The following PHLPP1 variants were observed in gnomAD, a reference collection of about 807,000 sequenced individuals.
PHLPP1 encodes the protein PH domain and leucine rich repeat protein phosphatase 1, also known as PH domain leucine-rich repeat-containing protein phosphatase 1.
A neutral mutation model predicts 117.2 loss-of-function variants in PHLPP1; 42 were observed. The ratio of observed to expected loss-of-function variants is 0.36; its 90% CI spans 0.28 to 0.46. The LOEUF (loss-of-function observed/expected upper bound fraction) is 0.46, where lower values mean the gene tolerates loss of function less well. PHLPP1 is among the 20% of genes least tolerant of loss of function. The probability of loss-of-function intolerance (pLI) is 1.00; values close to 1 mark genes in which losing one functional copy is unlikely to be tolerated. For synonymous variants in PHLPP1, 1,042 were observed against 970.7 expected, an observed-to-expected ratio of 1.07 and a Z score of -1.37; for missense variants, 2,084 against 2,241.9, an observed-to-expected ratio of 0.93 and a Z score of 1.42.
rs1487349359 is a variant in PHLPP1 at position 62,979,359 on chromosome 18, T to G, written c.5082T>G (p.Pro1694=). ...QQQQQQPPPP[P]QLQPQLPRHY... is the part of the protein sequence containing the mutation. ...AGCAGCAGCAGCCGCCACCACCCCC[T>G]CAGCTCCAGCCGCAGCTGCCGCGGC... The change falls in exon 17 of 17, where the codon CCT becomes CCG. Residue 1694 remains proline (P), a synonymous_variant. Coordinates refer to ENST00000262719, the MANE Select transcript of PHLPP1 (RefSeq NM_194449.4). 1.3e-6 allele frequency: 2 copies of G among 1,548,388 alleles called. No homozygotes were observed. The highest frequency in any genetic ancestry group is 2.0e-5 in the Admixed American group (1 of 51,028).
chr18:62,744,022 C>T (rs771821225), intron 1 of PHLPP1, among the ~76,000 whole-genome samples: 11 of 152,134 alleles, frequency 7.2e-5, no homozygotes, highest in Non-Finnish European at 1.3e-4. Flanking sequence ...AAACTGGTGC[C>T]GTGGGACACA....
chr18:62,731,873 A>C (rs886399681), intron 1 of PHLPP1, among the ~76,000 whole-genome samples: 1 of 152,200 alleles, frequency 6.6e-6, no homozygotes, highest in Non-Finnish European at 1.5e-5. Flanking sequence ...ACTTAATCCA[A>C]ACCCTAATCC....
chr18:62,852,699 C>T (rs991686476), intron 3 of PHLPP1, among the ~76,000 whole-genome samples: 2 of 152,208 alleles, frequency 1.3e-5, no homozygotes, highest in African/African-American at 4.8e-5. Flanking sequence ...ATTTCAGCTG[C>T]TTTGACCAAG....
In PHLPP1 at chr18:62,900,433, C is replaced by CTTTTTTTTTTTT. The variant is rs774225759; in HGVS notation, c.2445-2514_2445-2503dup. Among the ~76,000 whole-genome samples, 8 of 54,258 alleles carry CTTTTTTTTTTTT rather than the reference C, an allele frequency of 1.5e-4. 2 individuals carry two copies. The highest frequency in any genetic ancestry group is 1.6e-4 in the African/African-American group (2 of 12,284). The allele number at this position is 54,258 out of a possible 152,430, so 35.6% of individuals were successfully genotyped here. On this transcript the variant is annotated intron_variant, in intron 6 of 16. Coordinates refer to ENST00000262719, the MANE Select transcript of PHLPP1 (RefSeq NM_194449.4). ...GTATTCTTGTTTTTTCTTTTTCTTT[C>CTTTTTTTTTTTT]TTTTTTTTTTTTTTTTTTTTTTTTT...
At position 62,978,037 on chromosome 18, in the gene PHLPP1, T is replaced by G. The variant is rs115872091; in HGVS notation, c.3985-225T>G. Among the ~76,000 whole-genome samples, 747 of 152,268 alleles carry G rather than the reference T, an allele frequency of 4.9e-3. 4 individuals are homozygous for G. The highest frequency in any genetic ancestry group is 0.017 in the African/African-American group (713 of 41,548). On this transcript the variant is annotated intron_variant, in intron 16 of 16. Transcript: ENST00000262719. This position sits in a 1 kb window ranked among gnomAD's most constrained non-coding sequence, Gnocchi z 7.0. ...ACACACATAACCGAAATCTTTTCCTTTTGTCCCTACTGCTCCTTACCTGCC... is the reference window on the plus strand; with the variant it reads ...ACACACATAACCGAAATCTTTTCCTGTTGTCCCTACTGCTCCTTACCTGCC...
intron 1 of PHLPP1, chr18:62,779,330 C>G (rs1039393366): frequency 6.6e-6 from 1 of 152,042 alleles, no homozygotes; most frequent in Admixed American, 6.6e-5. Context: ...CCATTCCTCT[C>G]TAGTCACCTA....
At chr18:62,967,470 T>C (rs189650782) in intron 14 of PHLPP1, among the ~76,000 whole-genome samples, 3 of 152,154 alleles carry the variant, frequency 2.0e-5, no homozygotes, top group Non-Finnish European at 4.4e-5. Flanking sequence ...TGGTTTTAAT[T>C]TGCATTTCCC....
At chr18:62,848,104 C>T (rs1485344270) in intron 3 of PHLPP1, among the ~76,000 whole-genome samples, 1 of 152,132 alleles carries the variant, frequency 6.6e-6, no homozygotes, top group Non-Finnish European at 1.5e-5. Context: ...TTTGGGTGCT[C>T]TGATTTGTTG....
chr18:62,918,643 A>C (rs1345535354), intron 9 of PHLPP1, among the ~76,000 whole-genome samples: 1 of 152,098 alleles, frequency 6.6e-6, no homozygotes, highest in Non-Finnish European at 1.5e-5. Flanking sequence ...CTTTGTGAGC[A>C]AAGAAACTCC....
intron 1 of PHLPP1, among the ~76,000 whole-genome samples, chr18:62,723,477 T>G (rs1042354891): frequency 2.0e-5 from 3 of 152,228 alleles, no homozygotes; most frequent in Non-Finnish European, 4.4e-5. Flanking sequence ...AGGGTTTTTC[T>G]CACATTCTGT....
chr18:62,728,083 T>A (rs1225221589), intron 1 of PHLPP1, among the ~76,000 whole-genome samples: 2 of 152,032 alleles, frequency 1.3e-5, no homozygotes, highest in African/African-American at 4.8e-5. Context: ...TCACCTGATG[T>A]CAGGAGCTTG....
At chr18:62,874,494 G>T (rs773182861) in intron 4 of PHLPP1, among the ~76,000 whole-genome samples, 2 of 152,134 alleles carry the variant, frequency 1.3e-5, no homozygotes, top group Non-Finnish European at 2.9e-5. Context: ...GGGTGACAGA[G>T]CAAGACTCCA....
chr18:62,745,596 A>G (rs1294016987), intron 1 of PHLPP1, among the ~76,000 whole-genome samples: 1 of 152,194 alleles, frequency 6.6e-6, no homozygotes, highest in Non-Finnish European at 1.5e-5. Context: ...GGGATGTGCT[A>G]TAGTGTTGCA....
chr18:62,762,346 A>G (rs1730661463), intron 1 of PHLPP1, among the ~76,000 whole-genome samples: 1 of 150,578 alleles, frequency 6.6e-6, no homozygotes, highest in South Asian at 2.1e-4. Context: ...TATTAAAAAA[A>G]AAAAACCTTA....
chr18:62,834,109 G>T (rs1025576955), intron 2 of PHLPP1, among the ~76,000 whole-genome samples: 1 of 152,088 alleles, frequency 6.6e-6, no homozygotes, highest in Admixed American at 6.6e-5. Flanking sequence ...GGGTTGGGGG[G>T]TGGGCGTTTC....
intron 4 of PHLPP1, among the ~76,000 whole-genome samples, chr18:62,872,376 GT>G (rs1323206346): frequency 1.3e-5 from 2 of 152,162 alleles, no homozygotes; most frequent in East Asian, 3.9e-4. Context: ...TCACAAGGGA[GT>G]TTTGTTTCTT....
At chr18:62,804,834 CATAT>C (rs1360589220) in intron 1 of PHLPP1, among the ~76,000 whole-genome samples, 4 of 147,712 alleles carry the variant, frequency 2.7e-5, no homozygotes, top group African/African-American at 1.0e-4. Flanking sequence ...ATATATTATA[CATAT>C]ACAGTATAAT....
At chr18:62,730,980 T>A (rs1393019159) in intron 1 of PHLPP1, among the ~76,000 whole-genome samples, 1 of 152,224 alleles carries the variant, frequency 6.6e-6, no homozygotes, top group Non-Finnish European at 1.5e-5. Flanking sequence ...GGATCTACTG[T>A]TGTTGGGCAC....
At chr18:62,764,005 A>G (rs1362977979) in intron 1 of PHLPP1, among the ~76,000 whole-genome samples, 5 of 151,944 alleles carry the variant, frequency 3.3e-5, no homozygotes, top group South Asian at 2.1e-4. Flanking sequence ...TCTACTGAAA[A>G]TACAAAAATT....
Sources: allele counts gnomAD v4.1 joint callset (sites outside exome capture counted in the v4.1 genomes callset), GRCh38; gene constraint gnomAD v4.1.1; non-coding constraint Gnocchi (gnomAD v3.1); transcripts MANE v1.5; gene names NCBI Gene and HGNC (gene_info 2026-07-23, HGNC 2026-07-21).